The following GRHL2 variants were observed in gnomAD, a reference collection of about 807,000 sequenced individuals.
The protein encoded by GRHL2 is grainyhead-like protein 2 homolog.
In GRHL2, 21 loss-of-function variants were observed where a neutral mutation model predicts 83.8. That is an observed-to-expected ratio of 0.25 (90% CI 0.18 to 0.36). The LOEUF (loss-of-function observed/expected upper bound fraction) is 0.36. Among genes scored for constraint, GRHL2 ranks in the 10% least tolerant of loss-of-function variants. The pLI, the probability that GRHL2 is intolerant of heterozygous loss-of-function variation, is 1.00. For synonymous variants in GRHL2, 280 were observed against 278.9 expected (o/e 1.00, Z -0.04); for missense variants, 623 against 781.8 (o/e 0.80, Z 2.42).
At position 101,513,500 on chromosome 8, in the gene GRHL2, C is replaced by CTTTTTTTTTTTTTTTTTTTTT. The variant is rs112134650; in HGVS notation, c.20+20721_20+20722insTTTTTTTTTTTTTTTTTTTTT. On this transcript the variant is annotated intron_variant, in intron 1 of 15. Coordinates refer to ENST00000646743, the MANE Select transcript of GRHL2 (RefSeq NM_024915.4). ...TATGTGGGTGCAGGCTATCGTTGTG[C>CTTTTTTTTTTTTTTTTTTTTT]TTTTTTTTTTGGAGATGGAGTTTTG... Among the ~76,000 whole-genome samples, 4 of 100,188 alleles carry CTTTTTTTTTTTTTTTTTTTTT rather than the reference C, an allele frequency of 4.0e-5. 2 individuals carry two copies. Among genetic ancestry groups the CTTTTTTTTTTTTTTTTTTTTT allele is most frequent in the Non-Finnish European group, 3.8e-5 (2 of 52,792 alleles). The allele number at this position is 100,188 out of a possible 152,430, so 65.7% of individuals were successfully genotyped here.
intron 1 of GRHL2, among the ~76,000 whole-genome samples, chr8:101,513,727 C>T (rs972306802): frequency 1.3e-5 from 2 of 152,010 alleles, no homozygotes; most frequent in Admixed American, 6.6e-5. Context: ...AACTCCTGAC[C>T]TCAGGTGATC....
chr8:101,549,758 A>G (rs1169826384), intron 2 of GRHL2, among the ~76,000 whole-genome samples: 1 of 151,912 alleles, frequency 6.6e-6, no homozygotes, highest in African/African-American at 2.4e-5. Context: ...CTGCCCTCTA[A>G]CCTTTTTATA....
rs1814166718 is a variant in GRHL2 at position 101,669,614 on chromosome 8, C to G, written c.*2911C>G. Reference sequence around the variant, plus strand: ...TTTAAAAAAAAAAAGGTAAATGTAACTTAATAGTTTTGTAAATGGGAGAGG... The same window carrying G: ...TTTAAAAAAAAAAAGGTAAATGTAAGTTAATAGTTTTGTAAATGGGAGAGG... On this transcript the variant is annotated 3_prime_UTR_variant, in exon 16 of 16. Coordinates refer to ENST00000646743, the MANE Select transcript of GRHL2 (RefSeq NM_024915.4). 6.6e-6 allele frequency: 1 copy of G among 151,718 alleles called. No homozygotes were observed. The highest frequency in any genetic ancestry group is 2.1e-4 in the South Asian group (1 of 4,808). 9.4% of individuals were successfully genotyped at this position (151,718 alleles called of 1,614,324 possible). A position where few individuals can be genotyped will look rare whatever the true frequency, so the allele number is the denominator to read the frequency against.
At chr8:101,639,028 G>A (rs546500361) in intron 12 of GRHL2, among the ~76,000 whole-genome samples, 2 of 152,276 alleles carry the variant, frequency 1.3e-5, no homozygotes, top group African/African-American at 2.4e-5. Context: ...TGTTCTCATG[G>A]GAAAACTTAG....
In GRHL2 at chr8:101,558,350, AT is replaced by A. The variant is rs1811529576; in HGVS notation, c.285-67del. 3.2e-6 allele frequency: 5 copies of A among 1,559,916 alleles called. No individual in the cohort carries two copies. In the Admixed American group the frequency reaches 8.3e-5, roughly 26 times the overall value. On this transcript the variant is annotated intron_variant, in intron 3 of 15. Coordinates refer to ENST00000646743, the MANE Select transcript of GRHL2 (RefSeq NM_024915.4). ...CCAATGATTATTGCCTGCATTGGTTATTCTATTAGGCGTTGCCGAATGGTGA... is the reference window on the plus strand; with the variant it reads ...CCAATGATTATTGCCTGCATTGGTTATCTATTAGGCGTTGCCGAATGGTGA...
chr8:101,629,061 G>A (rs989515287), intron 9 of GRHL2, among the ~76,000 whole-genome samples: 3 of 152,158 alleles, frequency 2.0e-5, no homozygotes, highest in African/African-American at 7.2e-5. Context: ...GATTGATTCC[G>A]ATTTTGAAAG....
chr8:101,665,672 G>A (rs779613558), intron 15 of GRHL2, among the ~76,000 whole-genome samples: 2 of 152,224 alleles, frequency 1.3e-5, no homozygotes, highest in African/African-American at 2.4e-5. Context: ...TCTGTATCAG[G>A]TGTTGTGCTA....
At chr8:101,643,496 G>T (rs181788179) in intron 12 of GRHL2, among the ~76,000 whole-genome samples, 4 of 152,216 alleles carry the variant, frequency 2.6e-5, no homozygotes, top group East Asian at 1.9e-4. Context: ...GACATGCAAG[G>T]CCTCAGCACC....
At chr8:101,637,508 C>T (rs2129642143) in intron 12 of GRHL2, among the ~76,000 whole-genome samples, 1 of 152,328 alleles carries the variant, frequency 6.6e-6, no homozygotes, top group South Asian at 2.1e-4. Flanking sequence ...TGAATGTGGT[C>T]CTGCAGGCTT....
chr8:101,673,819 T>C (rs1199591347), downstream of GRHL2, among the ~76,000 whole-genome samples: 3 of 152,028 alleles, frequency 2.0e-5, no homozygotes, highest in Non-Finnish European at 4.4e-5. Context: ...AAAGCACTCT[T>C]CAGCAAATGT....
At chr8:101,536,072 C>A (rs896968757) in intron 1 of GRHL2, among the ~76,000 whole-genome samples, 2 of 152,130 alleles carry the variant, frequency 1.3e-5, no homozygotes, top group African/African-American at 4.8e-5. Context: ...GGCAGGGGAA[C>A]AGTCTGAGCA....
At chr8:101,508,587 A>T (rs190808551) in intron 1 of GRHL2, among the ~76,000 whole-genome samples, 1 of 152,212 alleles carries the variant, frequency 6.6e-6, no homozygotes, top group African/African-American at 2.4e-5. Flanking sequence ...TCTGAGAACA[A>T]TCCCCAATTC....
At chr8:101,559,333 T>G (rs1422413534) in intron 4 of GRHL2, among the ~76,000 whole-genome samples, 1 of 117,142 alleles carries the variant, frequency 8.5e-6, no homozygotes, top group Admixed American at 1.2e-4. Context: ...CATGGTGAAC[T>G]CCTGTCTCTA....
intron 7 of GRHL2, among the ~76,000 whole-genome samples, chr8:101,591,973 T>C (rs1356309194): frequency 6.6e-6 from 1 of 152,100 alleles, no homozygotes; most frequent in Non-Finnish European, 1.5e-5. Flanking sequence ...CTGCCTGTCC[T>C]CCCATATTGG....
At chr8:101,680,806 C>T in the GRHL2 span, among the ~76,000 whole-genome samples, 22 of 126,426 alleles carry the variant, frequency 1.7e-4, no homozygotes, top group African/African-American at 6.2e-4. Flanking sequence ...GGAAACTGAA[C>T]AACCTGCTCC....
chr8:101,609,068 G>A (rs1330869823), intron 8 of GRHL2, among the ~76,000 whole-genome samples: 2 of 150,542 alleles, frequency 1.3e-5, no homozygotes, highest in Non-Finnish European at 2.9e-5. Flanking sequence ...GAGAAAGGAC[G>A]AGATTGCTGG....
intron 1 of GRHL2, among the ~76,000 whole-genome samples, chr8:101,520,228 ATC>A (rs1404685951): frequency 6.6e-6 from 1 of 152,204 alleles, no homozygotes; most frequent in African/African-American, 2.4e-5. Context: ...ACCATAGAGT[ATC>A]TCTGTTACAC....
intron 1 of GRHL2, among the ~76,000 whole-genome samples, chr8:101,498,017 C>T (rs976862924): frequency 2.0e-5 from 3 of 152,230 alleles, no homozygotes; most frequent in African/African-American, 7.2e-5. Flanking sequence ...TGATGTCACC[C>T]ACATGGGCCT....
intron 7 of GRHL2, among the ~76,000 whole-genome samples, chr8:101,585,828 T>G (rs1473924803): frequency 6.6e-6 from 1 of 152,212 alleles, no homozygotes; most frequent in Non-Finnish European, 1.5e-5. Context: ...ATTGAGCCAC[T>G]GTGGGTTTTC....
Sources: gnomAD v4.1 joint callset for allele counts (sites outside exome capture counted in the v4.1 genomes callset) on GRCh38, gnomAD v4.1.1 for gene constraint, MANE v1.5 for transcripts, NCBI Gene and HGNC (gene_info 2026-07-23, HGNC 2026-07-21) for gene names.